CFH: variants seen among roughly 807,000 people sequenced by gnomAD.
CFH encodes the protein complement factor H, also known as H factor 1 (complement).
A neutral mutation model predicts 147.3 loss-of-function variants in CFH; 53 were observed. That is an observed-to-expected ratio of 0.36 (90% CI 0.29 to 0.45). The LOEUF is 0.45. Among genes scored for constraint, CFH ranks in the 20% least tolerant of loss-of-function variants. The pLI is 1.00. For missense variants in CFH, 1,380 were observed against 1,498.0 expected, an observed-to-expected ratio of 0.92 and a Z score of 1.30; for synonymous variants, 536 against 489.4, an observed-to-expected ratio of 1.10 and a Z score of -1.26.
At chr1:196,731,400 T>G (rs866072663) in intron 15 of CFH, among the ~76,000 whole-genome samples, 16 of 152,054 alleles carry the variant, frequency 1.1e-4, no homozygotes, top group African/African-American at 3.8e-4. Flanking sequence ...AATTTTACTC[T>G]GCTCCTCCCA....
intron 1 of CFH, among the ~76,000 whole-genome samples, chr1:196,658,411 T>TTTTTTTTTTTTTTTTC (rs1558148642): frequency 1.5e-5 from 2 of 130,670 alleles, no homozygotes; most frequent in East Asian, 4.6e-4. Context: ...CAGGTAATTT[T>TTTTTTTTTTTTTTTTC]TTTTTTTTTT....
chr1:196,684,158 A>G (rs35462027), intron 6 of CFH, among the ~76,000 whole-genome samples: 5,114 of 152,032 alleles, frequency 0.034, 297 homozygotes, highest in African/African-American at 0.12. Flanking sequence ...AGGATGGCAA[A>G]CTATAGGCTG....
intron 1 of CFH, among the ~76,000 whole-genome samples, chr1:196,658,064 G>T (rs1304167346): frequency 2.0e-5 from 3 of 151,940 alleles, no homozygotes; most frequent in African/African-American, 7.3e-5. Flanking sequence ...CTTAAAATTT[G>T]AAAGTGAAAA....
At position 196,747,234 on chromosome 1, in the gene CFH, G is replaced by A. The variant is rs959443903; in HGVS notation, c.3617G>A (p.Arg1206His). Residue 1206 changes from arginine to histidine, a missense_variant, in exon 22 of 22, where the codon CGT becomes CAT. Coordinates refer to ENST00000367429, the MANE Select transcript of CFH (RefSeq NM_000186.4). ...GAATTTGTGTGTAAACGGGGATATC[G>A]TCTTTCATCACGTTCTCACACATTG... ...SVEFVCKRGY[R>H]LSSRSHTLRT... The A allele has an allele frequency of 2.5e-6, 4 of 1,613,938 alleles. No homozygotes were observed. Among genetic ancestry groups the A allele is most frequent in the East Asian group, 2.2e-5 (1 of 44,860 alleles).
chr1:196,743,406 C>G (rs1468653583), intron 19 of CFH, 46 bp from the exon 20 acceptor site: 13 of 1,610,222 alleles, frequency 8.1e-6, no homozygotes, highest in African/African-American at 1.3e-5. Flanking sequence ...TGATTTGCTA[C>G]TCAAAATGAA....
intron 11 of CFH, among the ~76,000 whole-genome samples, chr1:196,718,071 CA>C: frequency 6.6e-6 from 1 of 152,098 alleles, no homozygotes; most frequent in East Asian, 1.9e-4. Flanking sequence ...AGAATGAGTA[CA>C]TTGTAGATGA....
intron 9 of CFH, among the ~76,000 whole-genome samples, chr1:196,692,598 C>A (rs1261232772): frequency 5.7e-5 from 4 of 70,678 alleles, no homozygotes; most frequent in Non-Finnish European, 1.1e-4. Flanking sequence ...TCCTTCTCTT[C>A]CTTCTTTCTT....
At chr1:196,676,100 T>A in intron 4 of CFH, 35 bp downstream of exon 4, 1 of 1,273,742 alleles carries the variant, frequency 7.9e-7, no homozygotes, top group Non-Finnish European at 1.1e-6. Flanking sequence ...TATATTGAAA[T>A]AAATATCTAA....
At chr1:196,732,579 G>A (rs1305198532) in intron 15 of CFH, among the ~76,000 whole-genome samples, 2 of 151,862 alleles carry the variant, frequency 1.3e-5, no homozygotes, top group East Asian at 3.9e-4. Flanking sequence ...TAAGACAATG[G>A]CCTTTCTCAG....
chr1:196,713,940 A>T lies in CFH; in HGVS notation c.1519+23A>T, dbSNP rs35923803. On this transcript the variant is annotated intron_variant, in intron 10 of 21. Coordinates refer to ENST00000367429, the MANE Select transcript of CFH (RefSeq NM_000186.4). ...TTAGTAAGTAATTTATTATGTTTGT[A>T]TTGATTATCCAGATGATACACAAAA... 5 of 1,600,406 alleles carry T rather than the reference A, an allele frequency of 3.1e-6. No homozygotes were observed. In the African/African-American group the frequency reaches 6.7e-5, roughly 21 times the overall value.
At chr1:196,693,249 T>C (rs1037788966) in intron 9 of CFH, among the ~76,000 whole-genome samples, 1 of 152,110 alleles carries the variant, frequency 6.6e-6, no homozygotes, top group Non-Finnish European at 1.5e-5. Flanking sequence ...GTATCCTTTA[T>C]GAATGCAAAC....
intron 9 of CFH, among the ~76,000 whole-genome samples, chr1:196,693,655 A>G (rs1309329503): frequency 2.0e-5 from 3 of 152,238 alleles, no homozygotes; most frequent in Middle Eastern, 3.4e-3. Context: ...AGTGACTAAC[A>G]GGCAGGTAGT....
chr1:196,714,616 T>TGG (rs1668803506), intron 10 of CFH, among the ~76,000 whole-genome samples: 1 of 136,258 alleles, frequency 7.3e-6, no homozygotes, highest in Non-Finnish European at 1.6e-5. Flanking sequence ...TGTGTGTGTG[T>TGG]GTGTGTATAC....
intron 6 of CFH, 91 bp from the exon 7 acceptor site, chr1:196,684,969 CAAAT>C: frequency 2.1e-6 from 2 of 965,730 alleles, no homozygotes; most frequent in South Asian, 1.4e-5. Context: ...ATGCTAAGGA[CAAAT>C]AAATAACACC....
chr1:196,687,107 T>G (rs949351899), intron 7 of CFH, among the ~76,000 whole-genome samples: 7 of 152,094 alleles, frequency 4.6e-5, no homozygotes, highest in African/African-American at 1.7e-4. Context: ...CAATGTTGAC[T>G]CTAAGATCCT....
chr1:196,742,752 A>T (rs938876069), intron 19 of CFH, among the ~76,000 whole-genome samples: 1 of 152,348 alleles, frequency 6.6e-6, no homozygotes, highest in South Asian at 2.1e-4. Context: ...CCGAGTGAGA[A>T]GCATTGCTAT....
chr1:196,659,811 C>G (rs1299432622), intron 1 of CFH, among the ~76,000 whole-genome samples: 1 of 152,060 alleles, frequency 6.6e-6, no homozygotes, highest in Non-Finnish European at 1.5e-5. Flanking sequence ...GTCCCATCTC[C>G]TATCTCAATA....
At chr1:196,657,272 A>G (rs1666735018) in intron 1 of CFH, among the ~76,000 whole-genome samples, 1 of 152,070 alleles carries the variant, frequency 6.6e-6, no homozygotes, top group Non-Finnish European at 1.5e-5. Flanking sequence ...TTCTGAAATG[A>G]TCTTTATTCT....
chr1:196,688,824 A>G (rs1667918090), intron 7 of CFH, among the ~76,000 whole-genome samples: 1 of 152,014 alleles, frequency 6.6e-6, no homozygotes, highest in Non-Finnish European at 1.5e-5. Flanking sequence ...ATGTTGGCCC[A>G]GCTGGTCTCG....
Sources: allele counts gnomAD v4.1 joint callset (sites outside exome capture counted in the v4.1 genomes callset), GRCh38; gene constraint gnomAD v4.1.1; transcripts MANE v1.5; gene names NCBI Gene and HGNC (gene_info 2026-07-23, HGNC 2026-07-21).